Variants in DCDC2C observed in about 807,000 individuals in gnomAD.
DCDC2C encodes the protein doublecortin domain containing 2C.
A neutral mutation model predicts 45.0 loss-of-function variants in DCDC2C; 44 were observed. That is an observed-to-expected ratio of 0.98 (90% confidence interval 0.77 to 1.26). The LOEUF (loss-of-function observed/expected upper bound fraction) is 1.26, where lower values mean the gene tolerates loss of function less well. DCDC2C is among the 50% of genes most tolerant of loss of function. DCDC2C has a pLI of 0.00. For missense variants in DCDC2C, 447 were observed against 468.9 expected, an observed-to-expected ratio of 0.95 and a Z score of 0.43; for synonymous variants, 187 against 178.8, an observed-to-expected ratio of 1.05 and a Z score of -0.37.
At chr2:3,847,034 A>C in intron 10 of DCDC2C, 120 bp from the exon 11 acceptor site, 1 of 509,986 alleles carries the variant, frequency 2.0e-6, no homozygotes, top group Non-Finnish European at 3.0e-6. Flanking sequence ...CCTCCCAGGA[A>C]CAACACCCAG....
chr2:3,783,793 G>A (rs1670576321), intron 9 of DCDC2C, among the ~76,000 whole-genome samples: 1 of 152,182 alleles, frequency 6.6e-6, no homozygotes, highest in South Asian at 2.1e-4. Context: ...AGATGAAGGT[G>A]GATATTCAGT....
At chr2:3,714,968 A>G (rs920929970) in intron 2 of DCDC2C, among the ~76,000 whole-genome samples, 5 of 152,260 alleles carry the variant, frequency 3.3e-5, no homozygotes, top group Admixed American at 3.3e-4. Flanking sequence ...ATGAGAAAAT[A>G]TATGTAATTT....
At chr2:3,749,128 G>C (rs1029662697) in intron 4 of DCDC2C, among the ~76,000 whole-genome samples, 6 of 152,110 alleles carry the variant, frequency 3.9e-5, no homozygotes, top group African/African-American at 1.4e-4. Context: ...TTAATTTAGA[G>C]ATATTTACAT....
intron 10 of DCDC2C, among the ~76,000 whole-genome samples, chr2:3,831,864 A>G (rs1056785250): frequency 1.3e-5 from 2 of 152,220 alleles, no homozygotes; most frequent in African/African-American, 4.8e-5. Flanking sequence ...GTGATGTTGA[A>G]TGAGAAAAGG....
At chr2:3,707,143 G>C (rs548032991) in intron 1 of DCDC2C, among the ~76,000 whole-genome samples, 260 of 152,296 alleles carry the variant, frequency 1.7e-3, no homozygotes, top group African/African-American at 6.0e-3. Context: ...TTCTCTATGT[G>C]CCTGAGTTAA....
At chr2:3,844,758 CTG>C (rs1313481125) in intron 10 of DCDC2C, 2 of 152,198 alleles carry the variant, frequency 1.3e-5, no homozygotes, top group East Asian at 1.9e-4. Flanking sequence ...TATTCCCTAA[CTG>C]TGCAAGTCTG....
intron 10 of DCDC2C, among the ~76,000 whole-genome samples, chr2:3,802,186 T>A (rs751303629): frequency 6.6e-5 from 10 of 152,274 alleles, no homozygotes; most frequent in Non-Finnish European, 1.3e-4. Flanking sequence ...ACTGCTGCCA[T>A]GTCATCCCTT....
chr2:3,790,905 G>A (rs1174837961), intron 10 of DCDC2C, among the ~76,000 whole-genome samples: 1 of 152,100 alleles, frequency 6.6e-6, no homozygotes, highest in Non-Finnish European at 1.5e-5. Flanking sequence ...TCAGGAGATC[G>A]AGACCATCCT....
intron 2 of DCDC2C, among the ~76,000 whole-genome samples, chr2:3,725,437 GGA>G (rs1668621285): frequency 4.8e-5 from 5 of 104,006 alleles, no homozygotes; most frequent in African/African-American, 1.6e-4. Context: ...GGATCCCAGA[GGA>G]AGACGAGCAG....
intron 10 of DCDC2C, among the ~76,000 whole-genome samples, chr2:3,812,318 T>G (rs961815262): frequency 2.0e-4 from 30 of 152,116 alleles, no homozygotes; most frequent in African/African-American, 7.2e-4. Flanking sequence ...TCAGAGCATG[T>G]ATGTGTCTAG....
At chr2:3,746,578 C>T (rs1669368665) in intron 4 of DCDC2C, among the ~76,000 whole-genome samples, 4 of 152,238 alleles carry the variant, frequency 2.6e-5, no homozygotes, top group Admixed American at 2.6e-4. Context: ...CTCCACTCTC[C>T]GTTTTCAATT....
At chr2:3,718,942 G>A (rs1668420210) in intron 2 of DCDC2C, among the ~76,000 whole-genome samples, 1 of 152,142 alleles carries the variant, frequency 6.6e-6, no homozygotes, top group African/African-American at 2.4e-5. Context: ...CCTCTTGCTA[G>A]CTACAGAGCG....
chr2:3,768,988 C>G, intron 7 of DCDC2C: 1 of 246,376 alleles, frequency 4.1e-6, no homozygotes, highest in Non-Finnish European at 8.0e-6. Flanking sequence ...CACAGGCCTT[C>G]CCTGTGCTTC....
chr2:3,726,235 G>T (rs1230191273), intron 2 of DCDC2C, among the ~76,000 whole-genome samples: 2 of 152,140 alleles, frequency 1.3e-5, no homozygotes, highest in Non-Finnish European at 2.9e-5. Context: ...GGCCTGAGGT[G>T]CTGGGATGTC....
At chr2:3,809,934 T>G (rs1468413921) in intron 10 of DCDC2C, among the ~76,000 whole-genome samples, 2 of 152,252 alleles carry the variant, frequency 1.3e-5, no homozygotes, top group African/African-American at 4.8e-5. Flanking sequence ...CATTCCTTTT[T>G]ATGGCTGCAT....
intron 10 of DCDC2C, among the ~76,000 whole-genome samples, chr2:3,789,214 A>C (rs1054512830): frequency 3.3e-5 from 5 of 152,176 alleles, no homozygotes; most frequent in Non-Finnish European, 4.4e-5. Context: ...TTTATGTTTT[A>C]GCCCATTGGA....
At chr2:3,833,893 A>G (rs1332031943) in intron 10 of DCDC2C, among the ~76,000 whole-genome samples, 4 of 152,170 alleles carry the variant, frequency 2.6e-5, no homozygotes, top group Non-Finnish European at 5.9e-5. Flanking sequence ...AGGAGTGGAG[A>G]TAAGTAGCAG....
chr2:3,816,397 T>G (rs113852628), intron 10 of DCDC2C, among the ~76,000 whole-genome samples: 18,211 of 152,180 alleles, frequency 0.12, 1,377 homozygotes, highest in East Asian at 0.18. Flanking sequence ...CCAGATTGAT[T>G]TAGGTAAAAA....
intron 6 of DCDC2C, among the ~76,000 whole-genome samples, chr2:3,760,845 T>TAA (rs11385914): frequency 1.5e-4 from 23 of 149,744 alleles, no homozygotes; most frequent in East Asian, 7.8e-4. Context: ...TAAAGTAAAA[T>TAA]AAAAAAAAAG....
Sources: gnomAD v4.1 joint callset for allele counts (sites outside exome capture counted in the v4.1 genomes callset) on GRCh38, gnomAD v4.1.1 for gene constraint, MANE v1.5 for transcripts, NCBI Gene and HGNC (gene_info 2026-07-23, HGNC 2026-07-21) for gene names.